DAB1: variants seen among roughly 807,000 people sequenced by gnomAD.
The protein encoded by DAB1 is disabled homolog 1.
Under a neutral mutation model 64.6 loss-of-function variants are expected in DAB1, and 15 were observed. The observed-to-expected ratio is 0.23, with a 90% CI of 0.16 to 0.36. The LOEUF is 0.36. DAB1 is among the 10% of genes least tolerant of loss of function. The pLI, the probability that DAB1 is intolerant of heterozygous loss-of-function variation, is 1.00. For synonymous variants in DAB1, 235 were observed against 251.9 expected (o/e 0.93, Z 0.64); for missense variants, 596 against 706.7 (o/e 0.84, Z 1.78).
At chr1:58,054,307 G>A (rs1461256532) in intron 5 of DAB1, among the ~76,000 whole-genome samples, 1 of 152,200 alleles carries the variant, frequency 6.6e-6, no homozygotes, top group Non-Finnish European at 1.5e-5. Flanking sequence ...AAGACTACCA[G>A]TGCAAAGAGT....
chr1:57,351,881 C>T (rs1227087624), intron 1 of DAB1, among the ~76,000 whole-genome samples: 6 of 152,132 alleles, frequency 3.9e-5, no homozygotes, highest in Non-Finnish European at 7.4e-5. Context: ...AATAACTACC[C>T]AACTACTTAG....
chr1:57,695,705 C>T (rs1029635476), intron 6 of DAB1, among the ~76,000 whole-genome samples: 6 of 152,090 alleles, frequency 3.9e-5, no homozygotes, highest in Admixed American at 1.3e-4. Flanking sequence ...TCGAGACCAG[C>T]CTGAACAACA....
intron 6 of DAB1, among the ~76,000 whole-genome samples, chr1:57,779,594 C>T (rs530743011): frequency 3.3e-5 from 5 of 152,204 alleles, no homozygotes; most frequent in East Asian, 1.9e-4. Context: ...GTTTGTACAA[C>T]GTAAATTGAA....
chr1:58,168,820 C>G (rs1414776139), intron 4 of DAB1, among the ~76,000 whole-genome samples: 3 of 152,206 alleles, frequency 2.0e-5, no homozygotes, highest in African/African-American at 7.2e-5. Context: ...TGGGGCATAA[C>G]ATCTTTATAG....
intron 5 of DAB1, among the ~76,000 whole-genome samples, chr1:58,067,088 CA>C (rs1361891289): frequency 1.3e-5 from 2 of 152,190 alleles, no homozygotes; most frequent in African/African-American, 2.4e-5. Flanking sequence ...ATTCCACAAG[CA>C]TCAGACCCTC....
intron 2 of DAB1, among the ~76,000 whole-genome samples, chr1:57,194,032 G>A (rs1664403587): frequency 3.3e-5 from 5 of 152,234 alleles, no homozygotes. Flanking sequence ...ACCTGAGACA[G>A]TGTTCAAATC....
At position 58,149,214 on chromosome 1, in the gene DAB1, T is replaced by G. The variant is rs117522996; in HGVS notation, n.387+1297A>C. On this transcript the variant is annotated intron_variant and non_coding_transcript_variant, in intron 5 of 20. Transcript: ENST00000485760. The stretch of plus-strand genomic sequence containing the variant: ...AGTAAGAACAAAGAGGTGCAAGTTT[T>G]ATGATAGGTATGAACAAAAAATTCT... 7.0e-3 allele frequency among the ~76,000 whole-genome samples: 1,063 copies of G among 152,310 alleles called. 46 individuals are homozygous for G. The South Asian group carries it at 0.1, about 15-fold the overall frequency.
At chr1:57,974,274 TTTTC>T (rs1645866956) in intron 5 of DAB1, among the ~76,000 whole-genome samples, 2 of 152,138 alleles carry the variant, frequency 1.3e-5, no homozygotes, top group African/African-American at 4.8e-5. Flanking sequence ...CCCCATTTTA[TTTTC>T]TTTGTTTAAC....
At chr1:57,942,538 G>T (rs905844470) in intron 5 of DAB1, among the ~76,000 whole-genome samples, 2 of 152,242 alleles carry the variant, frequency 1.3e-5, no homozygotes, top group Admixed American at 1.3e-4. Context: ...GACCTGCCAG[G>T]TTTCAGCTGG....
chr1:57,542,722 G>A (rs1469191153), intron 7 of DAB1, among the ~76,000 whole-genome samples: 1 of 152,058 alleles, frequency 6.6e-6, no homozygotes, highest in Non-Finnish European at 1.5e-5. Context: ...CCTGTTCACA[G>A]TATTCAGCCT....
chr1:58,525,523 T>C (rs1243755599), intron 2 of DAB1, among the ~76,000 whole-genome samples: 1 of 152,108 alleles, frequency 6.6e-6, no homozygotes, highest in Non-Finnish European at 1.5e-5. Context: ...AGATGTGTAA[T>C]TCCTACATAC....
intron 2 of DAB1, among the ~76,000 whole-genome samples, chr1:57,263,437 A>T (rs910018673): frequency 2.6e-5 from 4 of 152,004 alleles, no homozygotes; most frequent in African/African-American, 9.7e-5. Flanking sequence ...CAACTTTTTT[A>T]CTGAGTTGTT....
intron 5 of DAB1, among the ~76,000 whole-genome samples, chr1:58,063,830 G>A (rs1648666325): frequency 6.6e-6 from 1 of 152,188 alleles, no homozygotes; most frequent in Non-Finnish European, 1.5e-5. Flanking sequence ...CAGCTGCTAA[G>A]TGGAAAAGAC....
intron 2 of DAB1, among the ~76,000 whole-genome samples, chr1:57,167,322 T>G (rs75047854): frequency 0.034 from 5,179 of 152,196 alleles, 294 homozygotes; most frequent in African/African-American, 0.12. Flanking sequence ...CAATAGTTCT[T>G]TCTTCCATCT....
intron 1 of DAB1, among the ~76,000 whole-genome samples, chr1:57,306,402 A>G (rs1674175590): frequency 6.6e-6 from 1 of 152,156 alleles, no homozygotes; most frequent in Non-Finnish European, 1.5e-5. Context: ...ATATTAGCTG[A>G]TAAATAAAAC....
At chr1:57,949,300 G>T (rs893602452) in intron 5 of DAB1, among the ~76,000 whole-genome samples, 1 of 152,146 alleles carries the variant, frequency 6.6e-6, no homozygotes, top group African/African-American at 2.4e-5. Flanking sequence ...GCTCCTATAA[G>T]AATCTAATAC....
intron 7 of DAB1, among the ~76,000 whole-genome samples, chr1:57,586,909 C>T (rs1645387905): frequency 6.6e-6 from 1 of 151,820 alleles, no homozygotes; most frequent in Non-Finnish European, 1.5e-5. Context: ...TTCAACTTTG[C>T]TATCAATTAC....
rs781556395 is a variant in DAB1 at position 57,392,302 on chromosome 1, G to T, written c.-137+31628C>A. ...GCAGGAGAATTGCTTGAACCCAGGG[G>T]GCGGAGGTTGCAGTGAGCGAGATCG... is the stretch of plus-strand genomic sequence containing the variant. On this transcript the variant is annotated intron_variant, in intron 1 of 14. Coordinates refer to ENST00000371236, the MANE Select transcript of DAB1 (RefSeq NM_001365792.1). Among the ~76,000 whole-genome samples the T allele has an allele frequency of 2.0e-4, 30 of 152,160 alleles. 1 individual carries two copies. Among genetic ancestry groups the T allele is most frequent in the Non-Finnish European group, 3.4e-4 (23 of 68,020 alleles).
At chr1:57,811,837 C>T (rs1433051577) in intron 6 of DAB1, among the ~76,000 whole-genome samples, 1 of 152,068 alleles carries the variant, frequency 6.6e-6, no homozygotes, top group African/African-American at 2.4e-5. Flanking sequence ...GTAACCCAAG[C>T]CATGTGGGTG....
Sources: allele counts gnomAD v4.1 joint callset (sites outside exome capture counted in the v4.1 genomes callset), GRCh38; gene constraint gnomAD v4.1.1; transcripts MANE v1.5; gene names NCBI Gene and HGNC (gene_info 2026-07-23, HGNC 2026-07-21).